The following XPO4 variants were observed in gnomAD, a reference collection of about 807,000 sequenced individuals.
The protein encoded by XPO4 is exportin-4.
A neutral mutation model predicts 143.0 loss-of-function variants in XPO4; 39 were observed. The ratio of observed to expected loss-of-function variants is 0.27; its 90% CI spans 0.21 to 0.36. The LOEUF (loss-of-function observed/expected upper bound fraction) is 0.36, where lower values mean the gene tolerates loss of function less well. XPO4 is among the 10% of genes least tolerant of loss of function. XPO4 has a pLI of 1.00. For synonymous variants in XPO4, 439 were observed against 474.0 expected (o/e 0.93, Z 0.96); for missense variants, 907 against 1,348.0 (o/e 0.67, Z 5.12).
chr13:20,822,253 G>A lies in XPO4; in HGVS notation c.877C>T (p.Gln293Ter). The change falls in exon 8 of 23, where the codon CAA becomes TAA. Residue 293 changes from glutamine (Q) to a stop codon, truncating the protein, a stop_gained. Transcript: ENST00000255305. LOFTEE classifies it high-confidence loss of function. Reference protein sequence around the residue: ...RKIREDSDMAQDSLQCLAQLA... With the variant: ...RKIREDSDMA ...TGGGCAAGGCACTGCAGAGAATCTT[G>A]TGCCATATCTGAATCTTCTCTGATT... is the stretch of plus-strand genomic sequence containing the variant. 1 of 1,613,330 alleles carries A rather than the reference G, an allele frequency of 6.2e-7. No individual in the cohort carries two copies. Among genetic ancestry groups the A allele is most frequent in the Non-Finnish European group, 8.5e-7 (1 of 1,179,694 alleles).
intron 7 of XPO4, among the ~76,000 whole-genome samples, chr13:20,822,677 A>T (rs2059735182): frequency 6.6e-6 from 1 of 152,240 alleles, no homozygotes; most frequent in South Asian, 2.1e-4. Flanking sequence ...CAAGTTCAAT[A>T]AAGAGTATAT....
intron 1 of XPO4, among the ~76,000 whole-genome samples, chr13:20,887,901 T>C (rs1293658835): frequency 6.8e-6 from 1 of 147,996 alleles, no homozygotes; most frequent in Non-Finnish European, 1.5e-5. Context: ...TCGGGCTCAG[T>C]GGCTCACGCC....
intron 3 of XPO4, chr13:20,856,764 CAT>C: frequency 1.2e-6 from 1 of 861,868 alleles, no homozygotes; most frequent in Non-Finnish European, 1.4e-6. Context: ...CAACTGCAGA[CAT>C]ATTGACCTTT....
At chr13:20,809,262 C>T (rs1473014936) in intron 10 of XPO4, 37 bp from the exon 11 acceptor site, 4 of 1,601,478 alleles carry the variant, frequency 2.5e-6, no homozygotes, top group Non-Finnish European at 1.7e-6. Flanking sequence ...TGAGGAACTG[C>T]ATTGCCTATT....
intron 13 of XPO4, 57 bp downstream of exon 13, chr13:20,807,400 C>T: frequency 1.3e-6 from 2 of 1,525,916 alleles, no homozygotes; most frequent in Non-Finnish European, 1.8e-6. Context: ...CCCATCAACT[C>T]AGAATTTATA....
At chr13:20,879,690 TA>T (rs1348922958) in intron 1 of XPO4, among the ~76,000 whole-genome samples, 16 of 152,084 alleles carry the variant, frequency 1.1e-4, no homozygotes, top group Non-Finnish European at 1.6e-4. Flanking sequence ...ATAAAATATT[TA>T]AAAGAACCAA....
rs71200306 is a variant in XPO4, at chr13:20,861,777, C to CTTTTTTTTTT, written c.317+930_317+939dup. 4.8e-4 allele frequency among the ~76,000 whole-genome samples: 35 copies of CTTTTTTTTTT among 73,440 alleles called. 1 individual carries two copies. Among genetic ancestry groups the CTTTTTTTTTT allele is most frequent in the African/African-American group, 1.2e-3 (25 of 20,804 alleles). 48.2% of individuals were successfully genotyped at this position (73,440 alleles called of 152,430 possible). ...TTAATAGAACCTTGCACATTTCTCT[C>CTTTTTTTTTT]TTTTTTTTTTTTTTTTTTTTTTTTT... On this transcript the variant is annotated intron_variant, in intron 3 of 22. Transcript: ENST00000255305.
At chr13:20,848,255 C>T in intron 4 of XPO4, 2 of 983,232 alleles carry the variant, frequency 2.0e-6, no homozygotes, top group Non-Finnish European at 2.4e-6. Context: ...TAAATAAAAA[C>T]ATTCTGCAGG....
chr13:20,822,358 C>A, intron 7 of XPO4, 69 bp from the exon 8 acceptor site: 1 of 1,358,608 alleles, frequency 7.4e-7, no homozygotes, highest in South Asian at 1.7e-5. Context: ...TCTACCATGC[C>A]GAATGAGGTA....
At chr13:20,786,924 T>C (rs566516309) in intron 22 of XPO4, 41 bp downstream of exon 22, 51 of 1,499,142 alleles carry the variant, frequency 3.4e-5, no homozygotes, top group Admixed American at 4.6e-5. Context: ...CTTTGCAAAA[T>C]AGAATGAGAA....
At chr13:20,792,249 C>T (rs950534218) in intron 18 of XPO4, among the ~76,000 whole-genome samples, 1 of 152,126 alleles carries the variant, frequency 6.6e-6, no homozygotes, top group Non-Finnish European at 1.5e-5. Context: ...AGTTCGAGAC[C>T]AGCCCGGCCA....
At chr13:20,839,029 C>T (rs561307255) in intron 6 of XPO4, among the ~76,000 whole-genome samples, 1 of 151,952 alleles carries the variant, frequency 6.6e-6, no homozygotes, top group East Asian at 1.9e-4. Context: ...TTTGGGAGGT[C>T]GAGGCAGGCA....
At chr13:20,849,152 T>A (rs1055856480) in intron 4 of XPO4, 16 of 985,340 alleles carry the variant, frequency 1.6e-5, no homozygotes, top group Non-Finnish European at 1.9e-5. Flanking sequence ...TTGTCTCTTA[T>A]AATAGCCTGG....
chr13:20,850,090 A>T, intron 4 of XPO4: 1 of 981,890 alleles, frequency 1.0e-6, no homozygotes, highest in Non-Finnish European at 1.2e-6. Context: ...TGGGCGACAG[A>T]GCAAGACTCT....
intron 6 of XPO4, among the ~76,000 whole-genome samples, chr13:20,827,550 C>T (rs980508875): frequency 6.6e-6 from 1 of 152,112 alleles, no homozygotes; most frequent in Non-Finnish European, 1.5e-5. Flanking sequence ...ATCATTTCCC[C>T]CAATATCTTG....
At position 20,782,694 on chromosome 13, in the gene XPO4, T is replaced by C. The variant is rs1003106630; in HGVS notation, c.*1028A>G. On this transcript the variant is annotated 3_prime_UTR_variant, in exon 23 of 23. Transcript: ENST00000255305. ...GGAAACAAGCCTTTCATTTCACTGA[T>C]AAACCTACATAAATACACGATCGAA... The C allele has an allele frequency of 1.3e-5, 2 of 152,596 alleles. No homozygotes were observed. The highest frequency in any genetic ancestry group is 2.9e-5 in the Non-Finnish European group (2 of 68,042). 9.5% of individuals were successfully genotyped at this position (152,596 alleles called of 1,614,324 possible).
intron 11 of XPO4, among the ~76,000 whole-genome samples, chr13:20,808,830 A>T (rs553848752): frequency 6.6e-6 from 1 of 152,322 alleles, no homozygotes; most frequent in Admixed American, 6.5e-5. Flanking sequence ...GGTTATTCCA[A>T]GTTTTTACTG....
chr13:20,820,408 A>G (rs1305659621), intron 9 of XPO4, among the ~76,000 whole-genome samples: 1 of 152,240 alleles, frequency 6.6e-6, no homozygotes, highest in East Asian at 1.9e-4. Flanking sequence ...AAAGGAGCTT[A>G]GTTTCTAAAT....
In XPO4 at chr13:20,803,847, T is replaced by C. The variant is rs1466868617; in HGVS notation, c.1818-2857A>G. Among the ~76,000 whole-genome samples, 2 of 152,082 alleles carry C rather than the reference T, an allele frequency of 1.3e-5. No individual in the cohort carries two copies. The highest frequency in any genetic ancestry group is 6.6e-5 in the Admixed American group (1 of 15,262). ...CCATCTTGAGTGAGGGCTAGGAAAATGATGCTGGGACCTGACGGCTGCATT... is the reference window on the plus strand; with the variant it reads ...CCATCTTGAGTGAGGGCTAGGAAAACGATGCTGGGACCTGACGGCTGCATT... On this transcript the variant is annotated intron_variant, in intron 13 of 22. Transcript: ENST00000255305. The surrounding 1 kb of genome is among the most constrained non-coding windows in gnomAD (Gnocchi z 4.1).
Sources: gnomAD v4.1 joint callset for allele counts (sites outside exome capture counted in the v4.1 genomes callset) on GRCh38, gnomAD v4.1.1 for gene constraint, Gnocchi (gnomAD v3.1) non-coding constraint, MANE v1.5 for transcripts, NCBI Gene and HGNC (gene_info 2026-07-23, HGNC 2026-07-21) for gene names.